VPS41: variants seen among roughly 807,000 people sequenced by gnomAD.
The protein encoded by VPS41 is VPS41 subunit of HOPS complex.
A neutral mutation model predicts 130.9 loss-of-function variants in VPS41; 85 were observed. The observed-to-expected ratio is 0.65, with a 90% CI of 0.55 to 0.78. The LOEUF (loss-of-function observed/expected upper bound fraction) is 0.78, where lower values mean the gene tolerates loss of function less well. VPS41 is among the 30% of genes least tolerant of loss of function. The probability of loss-of-function intolerance (pLI) is 0.00; values close to 1 mark genes in which losing one functional copy is unlikely to be tolerated. For missense variants in VPS41, 874 were observed against 1,018.7 expected, an observed-to-expected ratio of 0.86 and a Z score of 1.93; for synonymous variants, 335 against 332.9, an observed-to-expected ratio of 1.01 and a Z score of -0.07.
intron 2 of VPS41, among the ~76,000 whole-genome samples, chr7:38,895,790 AG>A (rs1298744901): frequency 6.6e-6 from 1 of 152,120 alleles, no homozygotes; most frequent in Non-Finnish European, 1.5e-5. Flanking sequence ...TGTCACCTAA[AG>A]CCCTATACAC....
At chr7:38,891,848 A>G (rs1388940033) in intron 2 of VPS41, among the ~76,000 whole-genome samples, 4 of 152,136 alleles carry the variant, frequency 2.6e-5, no homozygotes, top group Non-Finnish European at 2.9e-5. Context: ...AAATTTTTGT[A>G]TTATACAAAG....
At chr7:38,810,414 T>C (rs1784921234) in intron 7 of VPS41, among the ~76,000 whole-genome samples, 1 of 152,182 alleles carries the variant, frequency 6.6e-6, no homozygotes, top group Non-Finnish European at 1.5e-5. Context: ...TTGAAAAGTA[T>C]GTTCTAATTA....
chr7:38,850,316 C>T (rs1458617078), intron 4 of VPS41, among the ~76,000 whole-genome samples: 1 of 152,206 alleles, frequency 6.6e-6, no homozygotes, highest in Non-Finnish European at 1.5e-5. Context: ...CACATGGCTA[C>T]TGGGCATTTG....
chr7:38,882,794 T>C (rs1786641119), intron 2 of VPS41, among the ~76,000 whole-genome samples: 1 of 152,172 alleles, frequency 6.6e-6, no homozygotes, highest in South Asian at 2.1e-4. Context: ...AAAAAGCAAC[T>C]ACAGCCTTCA....
intron 13 of VPS41, among the ~76,000 whole-genome samples, chr7:38,772,046 C>CT (rs1299469886): frequency 1.1e-4 from 16 of 150,810 alleles, no homozygotes; most frequent in Middle Eastern, 3.4e-3. Flanking sequence ...TGGTTTTTTT[C>CT]TTTTTTTTTA....
At chr7:38,823,277 A>G (rs1785211743) in intron 5 of VPS41, among the ~76,000 whole-genome samples, 1 of 152,136 alleles carries the variant, frequency 6.6e-6, no homozygotes, top group Admixed American at 6.5e-5. Context: ...AGGGACACAT[A>G]ATTCATCCCT....
At chr7:38,885,036 T>C (rs1451421046) in intron 2 of VPS41, among the ~76,000 whole-genome samples, 2 of 152,198 alleles carry the variant, frequency 1.3e-5, no homozygotes, top group African/African-American at 4.8e-5. Context: ...AAATATATAA[T>C]ACACCAAGAA....
Position 38,893,900 on chromosome 7 carries a change from T to G in VPS41, c.60+4191A>C, listed in dbSNP as rs527242598. 3.3e-5 allele frequency among the ~76,000 whole-genome samples: 5 copies of G among 152,346 alleles called. No individual in the cohort carries two copies. In the East Asian group the frequency reaches 7.7e-4, roughly 23 times the overall value. Reference sequence around the variant, plus strand: ...TGAAAAACATACGGCCAGTTTTTGGTAGACAATATTCTTTTCCCAAACATA... The same window carrying G: ...TGAAAAACATACGGCCAGTTTTTGGGAGACAATATTCTTTTCCCAAACATA... On this transcript the variant is annotated intron_variant, in intron 2 of 28. Coordinates refer to ENST00000310301, the MANE Select transcript of VPS41 (RefSeq NM_014396.4).
chr7:38,820,104 T>C (rs191355655), intron 6 of VPS41, among the ~76,000 whole-genome samples: 8 of 152,136 alleles, frequency 5.3e-5, no homozygotes. Context: ...CCCTGAGCTC[T>C]TCCGTCTTTC....
intron 4 of VPS41, among the ~76,000 whole-genome samples, chr7:38,833,491 T>C (rs1308977681): frequency 6.6e-6 from 1 of 152,218 alleles, no homozygotes; most frequent in East Asian, 1.9e-4. Flanking sequence ...TGATGACCTT[T>C]TGCTGCTTTT....
At chr7:38,863,806 G>T (rs143589004) in intron 3 of VPS41, among the ~76,000 whole-genome samples, 6 of 152,188 alleles carry the variant, frequency 3.9e-5, no homozygotes, top group African/African-American at 1.4e-4. Context: ...GTGCCATGAC[G>T]ATTAGTCATC....
Position 38,870,739 on chromosome 7 carries a change from C to CAAAAAAAAAAAAAAAAA in VPS41, c.61-1503_61-1487dup, listed in dbSNP as rs70977434. Among the ~76,000 whole-genome samples, 51 of 29,688 alleles carry CAAAAAAAAAAAAAAAAA rather than the reference C, an allele frequency of 1.7e-3. 1 individual carries two copies. The highest frequency in any genetic ancestry group is 2.3e-3 in the Non-Finnish European group (33 of 14,532). The allele number at this position is 29,688 out of a possible 152,430, so 19.5% of individuals were successfully genotyped here. On this transcript the variant is annotated intron_variant, in intron 2 of 28. Transcript: ENST00000310301. Reference sequence around the variant, plus strand: ...TTTAAAATAACTATGACTATATGTTCAAAAAAAAAAAAAAAAAAAAAAAAA... The same window carrying CAAAAAAAAAAAAAAAAA: ...TTTAAAATAACTATGACTATATGTTCAAAAAAAAAAAAAAAAAAAAAAAAAAAAAAAAAAAAAAAAAA...
intron 4 of VPS41, among the ~76,000 whole-genome samples, chr7:38,840,072 C>G (rs1785578951): frequency 1.3e-5 from 2 of 152,158 alleles, no homozygotes; most frequent in Admixed American, 1.3e-4. Flanking sequence ...ACTGCTCTCC[C>G]TAAGGTTGCC....
At chr7:38,877,775 A>G (rs1049467430) in intron 2 of VPS41, among the ~76,000 whole-genome samples, 14 of 152,292 alleles carry the variant, frequency 9.2e-5, no homozygotes, top group African/African-American at 3.4e-4. Flanking sequence ...AAACTGACAC[A>G]TTTGTTGAAT....
intron 5 of VPS41, among the ~76,000 whole-genome samples, chr7:38,826,151 C>A (rs967162913): frequency 3.9e-5 from 6 of 152,146 alleles, no homozygotes; most frequent in Admixed American, 1.3e-4. Flanking sequence ...CTAGTTCCCC[C>A]CAGGGAGCTG....
chr7:38,830,401 T>C lies in VPS41; in HGVS notation c.247-73A>G, dbSNP rs559454386. 2.6e-4 allele frequency: 238 copies of C among 920,800 alleles called. No homozygotes were observed. In the African/African-American group the frequency reaches 2.9e-3, roughly 11 times the overall value. 57.0% of individuals were successfully genotyped at this position (920,800 alleles called of 1,614,324 possible). ...TATCAACAATCAATGTCTTTGCTCT[T>C]TGTAAAATAGTAAGCTCTTTGTTTT... On this transcript the variant is annotated intron_variant, in intron 4 of 28. Coordinates refer to ENST00000310301, the MANE Select transcript of VPS41 (RefSeq NM_014396.4).
chr7:38,754,869 C>A (rs550233439), intron 20 of VPS41, 26 bp downstream of exon 20: 134 of 1,610,322 alleles, frequency 8.3e-5, no homozygotes, highest in Admixed American at 3.5e-4. Flanking sequence ...CATCTGGTAA[C>A]ACATATAAAA....
chr7:38,789,725 G>T, intron 10 of VPS41, 76 bp downstream of exon 10: 3 of 1,455,650 alleles, frequency 2.1e-6, no homozygotes, highest in Non-Finnish European at 1.9e-6. Context: ...GACTATGGCA[G>T]TCTGGGTGAG....
intron 6 of VPS41, among the ~76,000 whole-genome samples, chr7:38,819,298 A>G (rs1785120111): frequency 6.6e-6 from 1 of 152,106 alleles, no homozygotes; most frequent in Admixed American, 6.6e-5. Context: ...TATCTTCCCT[A>G]CCTAAGCTGT....
Sources: gnomAD v4.1 joint callset for allele counts (sites outside exome capture counted in the v4.1 genomes callset) on GRCh38, gnomAD v4.1.1 for gene constraint, MANE v1.5 for transcripts, NCBI Gene and HGNC (gene_info 2026-07-23, HGNC 2026-07-21) for gene names.